Variants in SEMA5A observed in about 807,000 individuals in gnomAD.
The protein encoded by SEMA5A is semaphorin 5A.
In SEMA5A, 55 loss-of-function variants were observed where a neutral mutation model predicts 135.5. The observed-to-expected ratio is 0.41, with a 90% CI of 0.33 to 0.51. The LOEUF is 0.51. Among genes scored for constraint, SEMA5A ranks in the 20% least tolerant of loss-of-function variants. SEMA5A has a pLI of 0.37. For missense variants in SEMA5A, 1,290 were observed against 1,419.9 expected (o/e 0.91, Z 1.47); for synonymous variants, 580 against 546.5 (o/e 1.06, Z -0.85).
intron 1 of SEMA5A, among the ~76,000 whole-genome samples, chr5:9,542,461 A>G (rs1738146819): frequency 6.6e-6 from 1 of 152,232 alleles, no homozygotes; most frequent in African/African-American, 2.4e-5. Context: ...TCTTGGTATA[A>G]ATTTGCAAGT....
chr5:9,251,899 T>A (rs1306295363), intron 5 of SEMA5A, among the ~76,000 whole-genome samples: 6 of 152,156 alleles, frequency 3.9e-5, no homozygotes, highest in Non-Finnish European at 8.8e-5. Flanking sequence ...GTACCAGTAT[T>A]ACATTCATCT....
intron 13 of SEMA5A, among the ~76,000 whole-genome samples, chr5:9,123,181 C>T (rs1304550248): frequency 7.2e-6 from 1 of 137,956 alleles, no homozygotes; most frequent in African/African-American, 2.7e-5. Flanking sequence ...GTGGTGTGAA[C>T]CCGGGAGGTG....
intron 16 of SEMA5A, among the ~76,000 whole-genome samples, chr5:9,100,987 C>G (rs1289045565): frequency 6.6e-6 from 1 of 152,190 alleles, no homozygotes; most frequent in Admixed American, 6.5e-5. Context: ...ATGGGCATCA[C>G]TTCTCAGATG....
chr5:9,218,173 C>T (rs1746735533), intron 8 of SEMA5A, among the ~76,000 whole-genome samples: 1 of 152,062 alleles, frequency 6.6e-6, no homozygotes. Flanking sequence ...TGTAACAAAC[C>T]TTCACATATC....
chr5:9,164,525 T>G (rs1743500274), intron 11 of SEMA5A, among the ~76,000 whole-genome samples: 1 of 151,994 alleles, frequency 6.6e-6, no homozygotes, highest in African/African-American at 2.4e-5. Flanking sequence ...GAATAGCCTA[T>G]TATTTGTAAA....
intron 11 of SEMA5A, among the ~76,000 whole-genome samples, chr5:9,180,749 G>T (rs2150326041): frequency 6.6e-6 from 1 of 151,502 alleles, no homozygotes; most frequent in Non-Finnish European, 1.5e-5. Flanking sequence ...ACTTTTTTTA[G>T]ATAGGAACCT....
chr5:9,230,642 T>C (rs1747579320), intron 6 of SEMA5A, among the ~76,000 whole-genome samples: 1 of 152,112 alleles, frequency 6.6e-6, no homozygotes, highest in African/African-American at 2.4e-5. Flanking sequence ...GAGGAAGATG[T>C]CAGGGATCCA....
At chr5:9,193,645 A>G (rs966517696) in intron 10 of SEMA5A, among the ~76,000 whole-genome samples, 3 of 152,228 alleles carry the variant, frequency 2.0e-5, no homozygotes, top group Non-Finnish European at 2.9e-5. Flanking sequence ...CACATCTGTA[A>G]TCCTAGCACT....
chr5:9,499,050 C>G (rs1172324647), intron 1 of SEMA5A, among the ~76,000 whole-genome samples: 1 of 152,186 alleles, frequency 6.6e-6, no homozygotes, highest in Non-Finnish European at 1.5e-5. Context: ...TGGATGTAAA[C>G]ATAGGCAGCG....
intron 10 of SEMA5A, among the ~76,000 whole-genome samples, chr5:9,195,284 G>T (rs1047314940): frequency 1.3e-5 from 2 of 152,142 alleles, no homozygotes; most frequent in African/African-American, 4.8e-5. Flanking sequence ...CTCCATCTCA[G>T]ACTCCCAAAT....
rs190951354 is a variant in SEMA5A, at chr5:9,254,156, T to C, written c.271-16266A>G. Among the ~76,000 whole-genome samples the C allele has an allele frequency of 3.0e-3, 452 of 152,330 alleles. 7 individuals are homozygous for C. The highest frequency in any genetic ancestry group is 0.01 in the African/African-American group (432 of 41,572). ...AGTGGAACTTGTAAATGTATTCAAC[T>C]AATATTTACTGAGCACCTATTATGT... On this transcript the variant is annotated intron_variant, in intron 5 of 22. Transcript: ENST00000382496.
intron 1 of SEMA5A, among the ~76,000 whole-genome samples, chr5:9,522,454 G>A (rs544230820): frequency 7.9e-5 from 12 of 152,200 alleles, no homozygotes; most frequent in South Asian, 6.2e-4. Flanking sequence ...ATGGTGCTGC[G>A]TGCCTCTAAT....
At chr5:9,511,636 G>A (rs1385311244) in intron 1 of SEMA5A, among the ~76,000 whole-genome samples, 4 of 151,998 alleles carry the variant, frequency 2.6e-5, no homozygotes, top group Middle Eastern at 3.2e-3. Context: ...CTACCACATG[G>A]TGACTAAACA....
intron 18 of SEMA5A, among the ~76,000 whole-genome samples, chr5:9,054,719 CG>C (rs1322486353): frequency 3.3e-5 from 5 of 152,136 alleles, no homozygotes; most frequent in Non-Finnish European, 7.3e-5. Context: ...GTTCAAGTCA[CG>C]AGCTCCTTTA....
At chr5:9,332,260 A>T (rs1483936238) in intron 4 of SEMA5A, among the ~76,000 whole-genome samples, 5 of 151,414 alleles carry the variant, frequency 3.3e-5, no homozygotes, top group African/African-American at 1.2e-4. Context: ...ATGGGCTGGT[A>T]CATTGGGTCA....
chr5:9,228,373 A>G (rs1476993540), intron 6 of SEMA5A, among the ~76,000 whole-genome samples: 1 of 152,176 alleles, frequency 6.6e-6, no homozygotes, highest in Admixed American at 6.5e-5. Flanking sequence ...TCCACTCAAG[A>G]GGAGCAGACT....
At chr5:9,247,938 T>C (rs1249666296) in intron 5 of SEMA5A, among the ~76,000 whole-genome samples, 3 of 152,206 alleles carry the variant, frequency 2.0e-5, no homozygotes, top group African/African-American at 7.2e-5. Flanking sequence ...GATACATTCA[T>C]GTCCTAGTTA....
At chr5:9,251,883 G>GTA (rs1352130877) in intron 5 of SEMA5A, among the ~76,000 whole-genome samples, 1 of 152,136 alleles carries the variant, frequency 6.6e-6, no homozygotes, top group Non-Finnish European at 1.5e-5. Flanking sequence ...ACAATCTAGG[G>GTA]TATAGGTACC....
intron 20 of SEMA5A, among the ~76,000 whole-genome samples, chr5:9,051,612 G>A (rs1197447020): frequency 6.6e-6 from 1 of 151,938 alleles, no homozygotes; most frequent in Non-Finnish European, 1.5e-5. Flanking sequence ...TCATTTTTTT[G>A]AGCAAAGTCT....
Sources: allele counts gnomAD v4.1 joint callset (sites outside exome capture counted in the v4.1 genomes callset), GRCh38; gene constraint gnomAD v4.1.1; transcripts MANE v1.5; gene names NCBI Gene and HGNC (gene_info 2026-07-23, HGNC 2026-07-21).